Variants in RYR1 observed in about 807,000 individuals in gnomAD.
RYR1 encodes the protein ryanodine receptor 1, also known as central core disease of muscle.
In RYR1, 342 loss-of-function variants were observed where a neutral mutation model predicts 583.5. That is an observed-to-expected ratio of 0.59 (90% CI 0.54 to 0.64). The LOEUF is 0.64. Among genes scored for constraint, RYR1 ranks in the 30% least tolerant of loss-of-function variants. The pLI is 0.00. For synonymous variants in RYR1, 2,791 were observed against 2,822.5 expected (o/e 0.99, Z 0.35); for missense variants, 6,032 against 6,917.2 (o/e 0.87, Z 4.54).
Position 38,565,053 on chromosome 19 carries a change from C to T in RYR1, c.12719C>T (p.Thr4240Ile). ...MELFVSFCED[T>I]IFEMQIAAQI... ...CTCTTCGTGAGTTTCTGCGAGGACA[C>T]CATCTTCGAGATGCAGATCGCCGCG... Residue 4240 changes from threonine (T) to isoleucine (I), a missense_variant, in exon 91 of 106, where the codon ACC becomes ATC. By Grantham distance (89) the Thr-to-Ile change is moderately conservative (BLOSUM62 -1). Transcript: ENST00000359596. This position sits in a 1 kb window ranked among gnomAD's most constrained non-coding sequence, Gnocchi z 4.7. 6.4e-7 allele frequency: 1 copy of T among 1,572,984 alleles called. No homozygotes were observed. Among genetic ancestry groups the T allele is most frequent in the Non-Finnish European group, 8.6e-7 (1 of 1,160,064 alleles).
Position 38,448,345 on chromosome 19 carries a change from C to A in RYR1, c.801-10C>A, listed in dbSNP as rs747996660. On this transcript the variant is annotated splice_polypyrimidine_tract_variant and intron_variant, in intron 9 of 105. Coordinates refer to ENST00000359596, the MANE Select transcript of RYR1 (RefSeq NM_000540.3). ...GTCCTCTGACTCCCCTTGGCTCTCA[C>A]CCTCCACAGCTGGAGTGGGAGCCAC... 1 of 1,606,194 alleles carries A rather than the reference C, an allele frequency of 6.2e-7. No homozygotes were observed. The highest frequency in any genetic ancestry group is 2.2e-5 in the East Asian group (1 of 44,866).
chr19:38,498,170 T>G (rs1210519129), intron 42 of RYR1, among the ~76,000 whole-genome samples: 3 of 151,402 alleles, frequency 2.0e-5, no homozygotes, highest in African/African-American at 4.9e-5. Flanking sequence ...GGAGCAGAGG[T>G]AGTGAGGGTG....
At chr19:38,494,774 T>G in intron 39 of RYR1, 149 bp downstream of exon 39, 3 of 962,580 alleles carry the variant, frequency 3.1e-6, no homozygotes, top group Non-Finnish European at 4.8e-6. Flanking sequence ...GGGTAATGTC[T>G]CCTTCCCTTA....
chr19:38,477,894 G>GGGT, intron 30 of RYR1, 24 bp downstream of exon 30: 6 of 1,082,990 alleles, frequency 5.5e-6, no homozygotes, highest in Non-Finnish European at 6.8e-6. Flanking sequence ...GGGGAGGTGG[G>GGGT]AGGTGCAGGG....
At position 38,586,061 on chromosome 19, in the gene RYR1, CTCCACTCTGAT is replaced by C; in HGVS notation, c.14869-29_14869-19del. 6.2e-7 allele frequency: 1 copy of C among 1,613,906 alleles called. No homozygotes were observed. The highest frequency in any genetic ancestry group is 1.3e-5 in the African/African-American group (1 of 75,028). On this transcript the variant is annotated intron_variant, in intron 103 of 105. Coordinates refer to ENST00000359596, the MANE Select transcript of RYR1 (RefSeq NM_000540.3). Reference sequence around the variant, plus strand: ...ACGGGATTCAGGGGGTCAAGTGGGCCTCCACTCTGATGTCTCTTGCCACTCACAGACCAAGT... The same window carrying C: ...ACGGGATTCAGGGGGTCAAGTGGGCCGTCTCTTGCCACTCACAGACCAAGT...
chr19:38,514,505 T>G (rs1158062633), intron 63 of RYR1, among the ~76,000 whole-genome samples: 1 of 151,770 alleles, frequency 6.6e-6, no homozygotes, highest in African/African-American at 2.4e-5. Context: ...GGTCTCGAAC[T>G]CCTGACCTCA....
intron 66 of RYR1, 93 bp downstream of exon 66, chr19:38,517,784 G>T: frequency 8.2e-7 from 1 of 1,224,674 alleles, no homozygotes; most frequent in South Asian, 1.3e-5. Flanking sequence ...GGTCCCCTCG[G>T]AGTTGGGAGG....
chr19:38,465,063 G>A (rs565824508), intron 23 of RYR1, among the ~76,000 whole-genome samples: 6 of 152,184 alleles, frequency 3.9e-5, no homozygotes, highest in African/African-American at 1.2e-4. Context: ...CGTTGGAGTC[G>A]TCTAAGTAAG....
At position 38,473,413 on chromosome 19, in the gene RYR1, T is replaced by A. The variant is rs769413091; in HGVS notation, c.3802T>A (p.Cys1268Ser). ...RVDGTVDTPP[C>S]LRLTHRTWGS... ...GGACGGCACTGTGGACACGCCCCCC[T>A]GCCTGCGCCTGACCCACCGCACCTG... The change falls in exon 28 of 106, where the codon TGC (cysteine) becomes AGC (serine). Residue 1268 changes from cysteine (C) to serine (S), a missense_variant. Cys to Ser is a moderately radical substitution (Grantham distance 112). Around this residue, in one of 11 missense-constraint regions of RYR1, gnomAD observed 2,627 missense variants for 2,961.3 expected, o/e 0.89. Transcript: ENST00000359596. The A allele has an allele frequency of 1.2e-6, 2 of 1,613,726 alleles. No homozygotes were observed. The highest frequency in any genetic ancestry group is 4.5e-5 in the East Asian group (2 of 44,874).
At chr19:38,521,715 ATTT>A (rs76100552) in intron 67 of RYR1, among the ~76,000 whole-genome samples, 24 of 137,826 alleles carry the variant, frequency 1.7e-4, no homozygotes, top group South Asian at 4.6e-4. Flanking sequence ...AAAAAAGAAA[ATTT>A]TTTTTTTTTT....
intron 12 of RYR1, among the ~76,000 whole-genome samples, chr19:38,452,552 A>G (rs1166833700): frequency 1.3e-5 from 2 of 151,478 alleles, no homozygotes; most frequent in Non-Finnish European, 2.9e-5. Context: ...CAACTTTCAC[A>G]CCCCTGACAC....
Position 38,460,998 on chromosome 19 carries a change from A to C in RYR1, c.2577+407A>C, listed in dbSNP as rs149025063. On this transcript the variant is annotated intron_variant, in intron 20 of 105. Transcript: ENST00000359596. Reference sequence around the variant, plus strand: ...GAAACTCCATGTCAAAACAAAACAAAACAAAAAACAAAAATTAGCATGGTG... The same window carrying C: ...GAAACTCCATGTCAAAACAAAACAACACAAAAAACAAAAATTAGCATGGTG... Among the ~76,000 whole-genome samples, 318 of 152,112 alleles carry C rather than the reference A, an allele frequency of 2.1e-3. 3 individuals are homozygous for C. Among genetic ancestry groups the C allele is most frequent in the Non-Finnish European group, 2.8e-3 (191 of 67,980 alleles).
chr19:38,551,771 C>T (rs887808147), intron 89 of RYR1, among the ~76,000 whole-genome samples: 2 of 152,172 alleles, frequency 1.3e-5, no homozygotes, highest in African/African-American at 2.4e-5. Flanking sequence ...ACCTGAGCCT[C>T]ACATCCTTCG....
At chr19:38,567,649 G>A in intron 92 of RYR1, 124 bp from the exon 93 acceptor site, 3 of 1,374,764 alleles carry the variant, frequency 2.2e-6, no homozygotes, top group Non-Finnish European at 3.1e-6. Flanking sequence ...ATCATCCCAT[G>A]TACCCAGTAC....
Position 38,464,627 on chromosome 19 carries a change from C to G in RYR1, c.2787-12C>G. Reference sequence around the variant, plus strand: ...GGGGCGTGACCTGTCGCCTCCACTCCCCCACCCCCAGGACTCTGCTGGCTC... The same window carrying G: ...GGGGCGTGACCTGTCGCCTCCACTCGCCCACCCCCAGGACTCTGCTGGCTC... On this transcript the variant is annotated splice_polypyrimidine_tract_variant and intron_variant, in intron 22 of 105. Coordinates refer to ENST00000359596, the MANE Select transcript of RYR1 (RefSeq NM_000540.3). 2.5e-6 allele frequency: 4 copies of G among 1,569,860 alleles called. No individual in the cohort carries two copies. The highest frequency in any genetic ancestry group is 3.5e-6 in the Non-Finnish European group (4 of 1,156,990).
chr19:38,565,410 G>T lies in RYR1; in HGVS notation c.13076G>T (p.Trp4359Leu). Reference protein sequence around the residue: ...GAAAGALGLLWGSLFGGGLVE... With the variant: ...GAAAGALGLLLGSLFGGGLVE... ...GCGGCGGGCGCGCTGGGCCTGCTCT[G>T]GGGCTCGCTGTTCGGCGGCGGCCTG... The change falls in exon 91 of 106, where the codon TGG becomes TTG. Residue 4359 changes from tryptophan to leucine, a missense_variant. Trp to Leu is a moderately conservative substitution (Grantham distance 61). Coordinates refer to ENST00000359596, the MANE Select transcript of RYR1 (RefSeq NM_000540.3). The surrounding 1 kb of genome is among the most constrained non-coding windows in gnomAD (Gnocchi z 4.7). 1 of 1,479,836 alleles carries T rather than the reference G, an allele frequency of 6.8e-7. No individual in the cohort carries two copies. The allele number at this position is 1,479,836 out of a possible 1,614,324, so 91.7% of individuals were successfully genotyped here. A position where few individuals can be genotyped will look rare whatever the true frequency, so the allele number is the denominator to read the frequency against.
At chr19:38,441,077 C>T (rs1334754840) in intron 2 of RYR1, among the ~76,000 whole-genome samples, 1 of 151,196 alleles carries the variant, frequency 6.6e-6, no homozygotes, top group Non-Finnish European at 1.5e-5. Flanking sequence ...TGGAGGGAAT[C>T]CCTGTGTGCA....
intron 13 of RYR1, among the ~76,000 whole-genome samples, chr19:38,453,568 C>T (rs1447552990): frequency 3.3e-5 from 5 of 151,458 alleles, no homozygotes; most frequent in Non-Finnish European, 5.9e-5. Flanking sequence ...GTTGACATGG[C>T]GGGGAGAGAC....
At position 38,517,547 on chromosome 19, in the gene RYR1, C is replaced by A. The variant is rs144135230; in HGVS notation, c.9874C>A (p.Pro3292Thr). The A allele has an allele frequency of 4.3e-6, 7 of 1,613,784 alleles. No homozygotes were observed. Among genetic ancestry groups the A allele is most frequent in the Non-Finnish European group, 5.9e-6 (7 of 1,179,812 alleles). Residue 3292 changes from proline (P) to threonine (T), a missense_variant, in exon 66 of 106, where the codon CCC becomes ACC. This residue lies in a region of RYR1 where 1,493 missense variants were observed against 1,715.5 expected (regional missense o/e 0.87). Coordinates refer to ENST00000359596, the MANE Select transcript of RYR1 (RefSeq NM_000540.3). ...PRWWERGPEA[P>T]PSALPAGAPP... ...ATGGTGGGAGCGCGGGCCCGAGGCA[C>A]CCCCTTCCGCCCTGCCCGCCGGCGC...
Sources: gnomAD v4.1 joint callset for allele counts (sites outside exome capture counted in the v4.1 genomes callset) on GRCh38, gnomAD v4.1.1 for gene constraint, gnomAD v4.1.1 regional missense constraint, Gnocchi (gnomAD v3.1) non-coding constraint, MANE v1.5 for transcripts, NCBI Gene and HGNC (gene_info 2026-07-23, HGNC 2026-07-21) for gene names.